Variants in LRCH1 observed in about 807,000 individuals in gnomAD.
LRCH1 encodes leucine-rich repeat and calponin homology domain-containing protein 1.
In LRCH1, 23 loss-of-function variants were observed where a neutral mutation model predicts 94.9. The observed-to-expected ratio is 0.24, with a 90% CI of 0.17 to 0.34. The LOEUF (loss-of-function observed/expected upper bound fraction) is 0.34, where lower values mean the gene tolerates loss of function less well. Among genes scored for constraint, LRCH1 ranks in the 10% least tolerant of loss-of-function variants. The pLI is 1.00. For synonymous variants in LRCH1, 364 were observed against 354.9 expected (o/e 1.03, Z -0.29); for missense variants, 790 against 945.9 (o/e 0.84, Z 2.16).
Position 46,742,592 on chromosome 13 carries a change from T to G in LRCH1, c.*744T>G, listed in dbSNP as rs1169642862. The G allele has an allele frequency of 6.1e-6, 6 of 985,408 alleles. No homozygotes were observed. The East Asian group carries it at 3.4e-4, about 56-fold the overall frequency. The allele number at this position is 985,408 out of a possible 1,614,324, so 61.0% of individuals were successfully genotyped here. A position where few individuals can be genotyped will look rare whatever the true frequency, so the allele number is the denominator to read the frequency against. ...CGTGGAGGAGTCACTTAAACACCAG[T>G]TTTTTACTGCTTAATTCCTTGTTAG... On this transcript the variant is annotated 3_prime_UTR_variant, in exon 20 of 20. Coordinates refer to ENST00000389797, the MANE Select transcript of LRCH1 (RefSeq NM_001164211.2).
chr13:46,583,332 T>A (rs572749555), intron 1 of LRCH1, among the ~76,000 whole-genome samples: 305 of 152,376 alleles, frequency 2.0e-3, no homozygotes, highest in Non-Finnish European at 3.5e-3. Flanking sequence ...CTGGCCAAAT[T>A]GAAAAGAATG....
Position 46,729,067 on chromosome 13 carries a change from C to T in LRCH1, c.2007+83C>T. 4 of 1,340,868 alleles carry T rather than the reference C, an allele frequency of 3.0e-6. No individual in the cohort carries two copies. The South Asian group carries it at 7.2e-5, about 24-fold the overall frequency. The allele number at this position is 1,340,868 out of a possible 1,614,324, so 83.1% of individuals were successfully genotyped here. ...TGTTGGTTTAGGATGTCAATGGTGT[C>T]AGTAGGAGCTTGCTCAAATCTTTTC... On this transcript the variant is annotated intron_variant, in intron 18 of 19. Transcript: ENST00000389797.
chr13:46,699,416 GC>G lies in LRCH1; in HGVS notation c.1313+15del. 6.2e-7 allele frequency: 1 copy of G among 1,612,418 alleles called. No individual in the cohort carries two copies. Among genetic ancestry groups the G allele is most frequent in the Non-Finnish European group, 8.5e-7 (1 of 1,178,416 alleles). ...AAACTGAGGGCATGTGAGTGCCGAG[GC>G]CTTGGTTACAAGCCATCATCACTCA... On this transcript the variant is annotated intron_variant, in intron 10 of 19. Coordinates refer to ENST00000389797, the MANE Select transcript of LRCH1 (RefSeq NM_001164211.2).
At chr13:46,621,610 A>G (rs2050880935) in intron 1 of LRCH1, among the ~76,000 whole-genome samples, 1 of 152,184 alleles carries the variant, frequency 6.6e-6, no homozygotes, top group African/African-American at 2.4e-5. Flanking sequence ...GGGGTTCTGC[A>G]TTGCTTGTTT....
At chr13:46,746,560 T>G (rs1873920365), downstream of LRCH1, among the ~76,000 whole-genome samples, 1 of 152,174 alleles carries the variant, frequency 6.6e-6, no homozygotes, top group Non-Finnish European at 1.5e-5. Flanking sequence ...ATGGGCAAAC[T>G]AAGAGTCTAC....
At chr13:46,565,626 A>G (rs1220538653) in intron 1 of LRCH1, among the ~76,000 whole-genome samples, 2 of 151,894 alleles carry the variant, frequency 1.3e-5, no homozygotes, top group African/African-American at 4.8e-5. Flanking sequence ...AGCCTGGCCA[A>G]TATGGTGAGA....
At chr13:46,595,768 G>C (rs1312641091) in intron 1 of LRCH1, among the ~76,000 whole-genome samples, 1 of 152,098 alleles carries the variant, frequency 6.6e-6, no homozygotes, top group Non-Finnish European at 1.5e-5. Context: ...GAACAGGAAA[G>C]GCCTTAGGCA....
intron 18 of LRCH1, among the ~76,000 whole-genome samples, chr13:46,729,954 A>G (rs1295362680): frequency 6.6e-6 from 1 of 152,190 alleles, no homozygotes; most frequent in Non-Finnish European, 1.5e-5. Context: ...TCTCTGCTGT[A>G]GAGGAGATAG....
At chr13:46,626,932 A>C (rs2050957655) in intron 1 of LRCH1, among the ~76,000 whole-genome samples, 1 of 152,220 alleles carries the variant, frequency 6.6e-6, no homozygotes, top group Admixed American at 6.5e-5. Context: ...GATGAACACC[A>C]GGTAGTGTTA....
At chr13:46,569,469 C>A (rs761700944) in intron 1 of LRCH1, among the ~76,000 whole-genome samples, 1 of 152,178 alleles carries the variant, frequency 6.6e-6, no homozygotes, top group Non-Finnish European at 1.5e-5. Context: ...TAGAGAACTG[C>A]CCTTTGCTGG....
At chr13:46,571,439 A>G (rs1379022949) in intron 1 of LRCH1, among the ~76,000 whole-genome samples, 2 of 152,116 alleles carry the variant, frequency 1.3e-5, no homozygotes, top group Non-Finnish European at 2.9e-5. Flanking sequence ...CCTTCCACCC[A>G]TTGCTTTTTG....
chr13:46,703,075 A>T (rs1405766662), intron 11 of LRCH1, among the ~76,000 whole-genome samples: 1 of 152,174 alleles, frequency 6.6e-6, no homozygotes, highest in Non-Finnish European at 1.5e-5. Context: ...ATGTTCAAAG[A>T]GTTGAATTCT....
intron 19 of LRCH1, among the ~76,000 whole-genome samples, chr13:46,736,914 T>C (rs895700240): frequency 6.6e-6 from 1 of 152,252 alleles, no homozygotes; most frequent in Non-Finnish European, 1.5e-5. Flanking sequence ...TTTGAAACTA[T>C]AAACCATAGT....
At chr13:46,746,342 C>A (rs1873907532), downstream of LRCH1, among the ~76,000 whole-genome samples, 4 of 152,172 alleles carry the variant, frequency 2.6e-5, no homozygotes, top group Admixed American at 6.5e-5. Context: ...AGCATTTAGT[C>A]TTTATGGCTT....
intron 1 of LRCH1, among the ~76,000 whole-genome samples, chr13:46,637,233 A>G (rs1367381712): frequency 1.3e-5 from 2 of 152,134 alleles, no homozygotes; most frequent in Admixed American, 1.3e-4. Flanking sequence ...ACTTCTTGTC[A>G]CTTCCACTCT....
In LRCH1 at chr13:46,712,569, A is replaced by G; in HGVS notation, c.1626A>G (p.Thr542=). 2 of 1,614,014 alleles carry G rather than the reference A, an allele frequency of 1.2e-6. No individual in the cohort carries two copies. ...SPAVSPTTNS[T]APFGLKPRSD... is the part of the protein sequence containing the mutation. Reference sequence around the variant, plus strand: ...CAGTCTCTCCTACCACAAACAGCACAGCTCCATTTGGCCTGAAGCCTCGAT... The same window carrying G: ...CAGTCTCTCCTACCACAAACAGCACGGCTCCATTTGGCCTGAAGCCTCGAT... Residue 542 remains threonine (T), a synonymous_variant, in exon 15 of 20, where the codon ACA becomes ACG. Transcript: ENST00000389797.
At chr13:46,577,401 A>G (rs1479621178) in intron 1 of LRCH1, among the ~76,000 whole-genome samples, 1 of 152,166 alleles carries the variant, frequency 6.6e-6, no homozygotes, top group East Asian at 1.9e-4. Flanking sequence ...CCTGGCCCCC[A>G]GTTCTTCTTT....
rs1157895329 is a variant in LRCH1 at position 46,594,689 on chromosome 13, A to G, written c.307+40986A>G. ...ATTTGACGGGGCTGAATTAGTTCAT[A>G]TGAGTTCATAAGTAGGAACTGCTTC... On this transcript the variant is annotated intron_variant, in intron 1 of 19. Transcript: ENST00000389797. Among the ~76,000 whole-genome samples, 7 of 152,226 alleles carry G rather than the reference A, an allele frequency of 4.6e-5. No homozygotes were observed. The South Asian group carries it at 6.2e-4, about 14-fold the overall frequency.
At chr13:46,715,411 T>C in intron 15 of LRCH1, 149 bp from the exon 16 acceptor site, 4 of 621,328 alleles carry the variant, frequency 6.4e-6, no homozygotes, top group Non-Finnish European at 5.8e-6. Flanking sequence ...TTCTCCTATA[T>C]TGTGCATTTG....
Sources: gnomAD v4.1 joint callset for allele counts (sites outside exome capture counted in the v4.1 genomes callset) on GRCh38, gnomAD v4.1.1 for gene constraint, MANE v1.5 for transcripts, NCBI Gene and HGNC (gene_info 2026-07-23, HGNC 2026-07-21) for gene names.